Variants in SKAP1 observed in about 807,000 individuals in gnomAD.
The protein encoded by SKAP1 is src kinase-associated phosphoprotein 1.
A neutral mutation model predicts 58.5 loss-of-function variants in SKAP1; 44 were observed. The observed-to-expected ratio is 0.75, with a 90% CI of 0.59 to 0.97. The LOEUF is 0.97. Ranked by LOEUF, SKAP1 falls within the 50% of genes least tolerant of loss-of-function variation. SKAP1 has a pLI of 0.00. For missense variants in SKAP1, 390 were observed against 435.2 expected, an observed-to-expected ratio of 0.90 and a Z score of 0.92; for synonymous variants, 127 against 149.7, an observed-to-expected ratio of 0.85 and a Z score of 1.11.
intron 4 of SKAP1, among the ~76,000 whole-genome samples, chr17:48,293,040 G>A (rs2065917790): frequency 6.6e-6 from 1 of 152,022 alleles, no homozygotes; most frequent in African/African-American, 2.4e-5. Context: ...CTTAATTAAA[G>A]GCTCAAACTT....
rs551742975 is a variant in SKAP1, at chr17:48,282,776, C to CA, written c.280+63128dup. ...TCAGTGACAGAGCAAGATCTGGTCT[C>CA]AAAAAAAAAAGAAAGAAAAGAAAAA... On this transcript the variant is annotated intron_variant, in intron 4 of 12. Coordinates refer to ENST00000336915, the MANE Select transcript of SKAP1 (RefSeq NM_003726.4). Among the ~76,000 whole-genome samples, 687 of 139,464 alleles carry CA rather than the reference C, an allele frequency of 4.9e-3. 5 individuals carry two copies. The highest frequency in any genetic ancestry group is 0.011 in the Middle Eastern group (3 of 278). The allele number at this position is 139,464 out of a possible 152,430, so 91.5% of individuals were successfully genotyped here. A position where few individuals can be genotyped will look rare whatever the true frequency, so the allele number is the denominator to read the frequency against.
At chr17:48,156,506 G>A in intron 11 of SKAP1, 1 of 525,464 alleles carries the variant, frequency 1.9e-6, no homozygotes, top group African/African-American at 1.9e-5. Context: ...CTGGCTCCGG[G>A]GAGGAAGGGA....
At chr17:48,157,064 C>A (rs931414879) in intron 11 of SKAP1, among the ~76,000 whole-genome samples, 3 of 152,142 alleles carry the variant, frequency 2.0e-5, no homozygotes, top group Non-Finnish European at 4.4e-5. Flanking sequence ...ATGTAAACAT[C>A]ACAACAAATG....
intron 8 of SKAP1, 100 bp downstream of exon 8, chr17:48,182,294 G>A (rs990188318): frequency 3.7e-6 from 3 of 808,494 alleles, no homozygotes; most frequent in Non-Finnish European, 6.1e-6. Flanking sequence ...GGTGAGAAAG[G>A]GCAGAAAAAA....
Position 48,318,943 on chromosome 17 carries a change from C to A in SKAP1, c.280+26962G>T, listed in dbSNP as rs184125381. 2.2e-3 allele frequency among the ~76,000 whole-genome samples: 329 copies of A among 152,234 alleles called. 3 individuals are homozygous for A. The highest frequency in any genetic ancestry group is 0.01 in the Middle Eastern group (3 of 294). ...GTTTATTCAAAGGCTCGAGAATTCC[C>A]AACTTAATGTAAATAACCTTCTTGA... is the stretch of plus-strand genomic sequence containing the variant. On this transcript the variant is annotated intron_variant, in intron 4 of 12. Transcript: ENST00000336915.
At chr17:48,314,529 G>A (rs1567864432) in intron 4 of SKAP1, among the ~76,000 whole-genome samples, 1 of 151,748 alleles carries the variant, frequency 6.6e-6, no homozygotes, top group East Asian at 1.9e-4. Flanking sequence ...AAACAGGGAG[G>A]GAAAAAAAAG....
At chr17:48,417,464 G>A (rs1176138644) in intron 1 of SKAP1, among the ~76,000 whole-genome samples, 1 of 152,138 alleles carries the variant, frequency 6.6e-6, no homozygotes, top group African/African-American at 2.4e-5. Context: ...TCTGCATATG[G>A]CCAGGTGCAG....
Position 48,274,303 on chromosome 17 carries a change from G to A in SKAP1, c.280+71602C>T, listed in dbSNP as rs181556952. ...CCCAGCTACTCCAGAGGCTGAGGTA[G>A]GAGGATTGCTTGAGCCTAGGAAGCA... On this transcript the variant is annotated intron_variant, in intron 4 of 12. Transcript: ENST00000336915. 2.4e-3 allele frequency among the ~76,000 whole-genome samples: 366 copies of A among 152,242 alleles called. 4 individuals are homozygous for A. The highest frequency in any genetic ancestry group is 0.023 in the East Asian group (119 of 5,172).
intron 10 of SKAP1, among the ~76,000 whole-genome samples, chr17:48,167,893 A>G (rs1413395137): frequency 3.3e-5 from 5 of 152,284 alleles, no homozygotes; most frequent in Admixed American, 1.3e-4. Context: ...AAAGGTGATA[A>G]GTTCTCATTA....
chr17:48,270,425 C>A (rs1327981852), intron 4 of SKAP1, among the ~76,000 whole-genome samples: 1 of 151,948 alleles, frequency 6.6e-6, no homozygotes, highest in African/African-American at 2.4e-5. Flanking sequence ...CTCACTGCAA[C>A]CTCCACCTCC....
intron 4 of SKAP1, among the ~76,000 whole-genome samples, chr17:48,292,679 C>T (rs557612169): frequency 1.1e-4 from 17 of 152,232 alleles, no homozygotes; most frequent in Admixed American, 1.1e-3. Flanking sequence ...TAGCAAGCTT[C>T]TTCAGAAAGT....
intron 5 of SKAP1, 32 bp downstream of exon 5, chr17:48,189,391 A>T (rs990450345): frequency 2.6e-6 from 4 of 1,549,314 alleles, no homozygotes; most frequent in Middle Eastern, 1.7e-4. Flanking sequence ...CCCTTCCTGG[A>T]ATGTTCTGAA....
chr17:48,303,734 G>T (rs1209549167), intron 4 of SKAP1, among the ~76,000 whole-genome samples: 2 of 151,806 alleles, frequency 1.3e-5, no homozygotes, highest in African/African-American at 4.8e-5. Flanking sequence ...GACTCCAATG[G>T]GTATTTCCAA....
intron 4 of SKAP1, among the ~76,000 whole-genome samples, chr17:48,309,037 G>A (rs1043734759): frequency 1.3e-5 from 2 of 151,834 alleles, no homozygotes; most frequent in Non-Finnish European, 2.9e-5. Flanking sequence ...GGTAACTGAC[G>A]GTGTATGGGC....
intron 2 of SKAP1, among the ~76,000 whole-genome samples, chr17:48,390,671 C>A (rs1460729749): frequency 6.6e-6 from 1 of 152,146 alleles, no homozygotes; most frequent in African/African-American, 2.4e-5. Flanking sequence ...CAGTTACCTG[C>A]CTGTGTTCTA....
chr17:48,295,257 G>T (rs975449246), intron 4 of SKAP1, among the ~76,000 whole-genome samples: 5 of 152,148 alleles, frequency 3.3e-5, no homozygotes, highest in Non-Finnish European at 7.4e-5. Context: ...TCTAAATCTG[G>T]AAGTGACAGT....
At chr17:48,152,806 C>T (rs1448572540) in intron 11 of SKAP1, among the ~76,000 whole-genome samples, 1 of 152,228 alleles carries the variant, frequency 6.6e-6, no homozygotes, top group Non-Finnish European at 1.5e-5. Flanking sequence ...ATTATTACCT[C>T]TGTCAAAAGA....
chr17:48,177,062 T>C (rs766014323), intron 9 of SKAP1, among the ~76,000 whole-genome samples: 29 of 152,218 alleles, frequency 1.9e-4, no homozygotes, highest in Non-Finnish European at 3.1e-4. Flanking sequence ...GGGTATGCAA[T>C]GTTAGCACAA....
chr17:48,173,355 G>A (rs1019734642), intron 9 of SKAP1, among the ~76,000 whole-genome samples: 4 of 152,120 alleles, frequency 2.6e-5, no homozygotes, highest in East Asian at 1.9e-4. Flanking sequence ...ACCCTACCAC[G>A]AGGAATAAAA....
Sources: gnomAD v4.1 joint callset for allele counts (sites outside exome capture counted in the v4.1 genomes callset) on GRCh38, gnomAD v4.1.1 for gene constraint, MANE v1.5 for transcripts, NCBI Gene and HGNC (gene_info 2026-07-23, HGNC 2026-07-21) for gene names.